Variants in RHBDL2 observed in about 807,000 individuals in gnomAD.
The protein encoded by RHBDL2 is rhomboid like 2.
RHBDL2 carries 26 observed loss-of-function variants against 31.7 expected under a neutral mutation model. That is an observed-to-expected ratio of 0.82 (90% CI 0.60 to 1.14). The LOEUF (loss-of-function observed/expected upper bound fraction) is 1.14. RHBDL2 is among the 50% of genes most tolerant of loss of function. The pLI is 0.00. For missense variants in RHBDL2, 336 were observed against 364.4 expected (o/e 0.92, Z 0.63); for synonymous variants, 123 against 127.2 (o/e 0.97, Z 0.22).
intron 1 of RHBDL2, among the ~76,000 whole-genome samples, chr1:38,937,779 A>G (rs180837379): frequency 5.2e-4 from 79 of 152,328 alleles, no homozygotes; most frequent in African/African-American, 1.7e-3. Context: ...AACTTTTATT[A>G]GGAGGAACAG....
chr1:38,924,783 T>C (rs1313071849), intron 1 of RHBDL2, among the ~76,000 whole-genome samples: 1 of 80,034 alleles, frequency 1.2e-5, no homozygotes, highest in African/African-American at 1.1e-4. Flanking sequence ...TTCTTTTTTC[T>C]TTTTTTTTTT....
chr1:38,912,914 G>A (rs960582572), intron 3 of RHBDL2, among the ~76,000 whole-genome samples: 2,681 of 33,612 alleles, frequency 0.08, 41 homozygotes, highest in Non-Finnish European at 0.12. Context: ...ATATATATGT[G>A]TGTGTGTGTG....
intron 3 of RHBDL2, among the ~76,000 whole-genome samples, chr1:38,915,195 C>T (rs1198670299): frequency 6.6e-6 from 1 of 150,620 alleles, no homozygotes; most frequent in African/African-American, 2.4e-5. Context: ...TGCAATGGCA[C>T]GATCTCGGCT....
At chr1:38,897,098 A>C (rs1195286683) in intron 4 of RHBDL2, among the ~76,000 whole-genome samples, 1 of 151,664 alleles carries the variant, frequency 6.6e-6, no homozygotes, top group East Asian at 1.9e-4. Flanking sequence ...TAAACTTTGA[A>C]GAATCTTTTT....
intron 2 of RHBDL2, among the ~76,000 whole-genome samples, chr1:38,917,093 C>G (rs1157688356): frequency 6.9e-6 from 1 of 145,336 alleles, no homozygotes. Context: ...TCTCAGCTCA[C>G]TGCAAGTTCT....
At chr1:38,910,753 C>CTTTTTTTTTTTT (rs765064879) in intron 4 of RHBDL2, among the ~76,000 whole-genome samples, 98 of 111,004 alleles carry the variant, frequency 8.8e-4, no homozygotes, top group Middle Eastern at 5.1e-3. Context: ...TATTCCTTTT[C>CTTTTTTTTTTTT]TTTTTTTTTT....
chr1:38,913,044 G>A (rs1570928874), intron 3 of RHBDL2, among the ~76,000 whole-genome samples: 2 of 148,900 alleles, frequency 1.3e-5, no homozygotes, highest in Admixed American at 1.3e-4. Flanking sequence ...GTGCGGTGGC[G>A]CGATCTCGGC....
Position 38,886,171 on chromosome 1 carries a change from C to G in RHBDL2, c.*333G>C, listed in dbSNP as rs1158015276. Reference sequence around the variant, plus strand: ...GTTTCACCATATTGGTCAGGCTGGTCTTGAACTCATGACCTCAGGTGATTT... The same window carrying G: ...GTTTCACCATATTGGTCAGGCTGGTGTTGAACTCATGACCTCAGGTGATTT... On this transcript the variant is annotated 3_prime_UTR_variant, in exon 8 of 8. Coordinates refer to ENST00000372990, the MANE Select transcript of RHBDL2 (RefSeq NM_017821.5). The G allele has an allele frequency of 1.9e-5, 3 of 159,954 alleles. No individual in the cohort carries two copies. The highest frequency in any genetic ancestry group is 4.1e-5 in the Non-Finnish European group (3 of 73,180). 9.9% of individuals were successfully genotyped at this position (159,954 alleles called of 1,614,324 possible). A position where few individuals can be genotyped will look rare whatever the true frequency, so the allele number is the denominator to read the frequency against.
In RHBDL2 at chr1:38,887,953, C is replaced by G. The variant is rs1182685460; in HGVS notation, c.732+10G>C. ...ATTTCTATTTTATAAAAGAAAGAAA[C>G]TGAACTCACCGGAGACCCATCTTCA... is the stretch of plus-strand genomic sequence containing the variant. On this transcript the variant is annotated intron_variant, in intron 7 of 7. Coordinates refer to ENST00000372990, the MANE Select transcript of RHBDL2 (RefSeq NM_017821.5). 6.3e-7 allele frequency: 1 copy of G among 1,582,420 alleles called. No individual in the cohort carries two copies. Among genetic ancestry groups the G allele is most frequent in the African/African-American group, 1.4e-5 (1 of 73,984 alleles).
At chr1:38,893,981 T>C (rs1642884188) in intron 5 of RHBDL2, among the ~76,000 whole-genome samples, 1 of 152,184 alleles carries the variant, frequency 6.6e-6, no homozygotes, top group Non-Finnish European at 1.5e-5. Context: ...ATATAATTTA[T>C]TGAATTACTT....
Position 38,886,678 on chromosome 1 carries a change from A to G in RHBDL2, c.738T>C (p.Ser246=). The change falls in exon 8 of 8, where the codon TCT becomes TCC. Residue 246 remains serine (S), a synonymous_variant. Transcript: ENST00000372990. ...FFVPEDGSPV[S]FAAHIAGGFA... ...ATCCACCTGCAATGTGAGCTGCAAA[A>G]GACACCTTGGGAGAAAAGGAGGGAA... The G allele has an allele frequency of 2.6e-6, 4 of 1,550,798 alleles. No individual in the cohort carries two copies. The highest frequency in any genetic ancestry group is 3.5e-6 in the Non-Finnish European group (4 of 1,143,382).
chr1:38,927,706 T>C (rs1643393570), intron 1 of RHBDL2, among the ~76,000 whole-genome samples: 1 of 152,228 alleles, frequency 6.6e-6, no homozygotes, highest in Admixed American at 6.5e-5. Flanking sequence ...CTGAGTATCT[T>C]ACAGAATTGT....
In RHBDL2 at chr1:38,919,170, T is replaced by C; in HGVS notation, c.43A>G (p.Asn15Asp). 1.9e-6 allele frequency: 3 copies of C among 1,614,126 alleles called. No individual in the cohort carries two copies. The South Asian group carries it at 3.3e-5, about 18-fold the overall frequency. ...TCTTCTTTCATCTCTCTCCCCATAT[T>C]CAGATTCATGCTCTCCATCTCCAGA... Reference protein sequence around the residue: ...HDLEMESMNLNMGREMKEELE... With the variant: ...HDLEMESMNLDMGREMKEELE... Residue 15 changes from asparagine (N) to aspartate (D), a missense_variant, in exon 2 of 8, where the codon AAT (asparagine) becomes GAT (aspartate). Physicochemically the swap from Asn to Asp is conservative, Grantham distance 23 (BLOSUM62 1). Coordinates refer to ENST00000372990, the MANE Select transcript of RHBDL2 (RefSeq NM_017821.5).
At chr1:38,893,721 C>A in intron 5 of RHBDL2, among the ~76,000 whole-genome samples, 1 of 148,226 alleles carries the variant, frequency 6.7e-6, no homozygotes, top group Non-Finnish European at 1.5e-5. Context: ...CTTTTGGGGG[C>A]GCTCTTGGGG....
chr1:38,911,048 G>A (rs1028619506), intron 4 of RHBDL2, among the ~76,000 whole-genome samples: 3 of 151,874 alleles, frequency 2.0e-5, no homozygotes, highest in African/African-American at 7.3e-5. Flanking sequence ...CAAAGTGCTG[G>A]GATTACAGGC....
chr1:38,940,454 G>A (rs796717822), intron 1 of RHBDL2, among the ~76,000 whole-genome samples: 14 of 152,094 alleles, frequency 9.2e-5, no homozygotes, highest in African/African-American at 1.9e-4. Context: ...GAATCCTCCC[G>A]CCTCGGCCTC....
chr1:38,933,902 T>C (rs930618853), intron 1 of RHBDL2, among the ~76,000 whole-genome samples: 3 of 152,098 alleles, frequency 2.0e-5, no homozygotes, highest in Non-Finnish European at 2.9e-5. Flanking sequence ...CTAATTTTTG[T>C]ATTTTTAGTA....
chr1:38,911,830 G>A (rs1002292785), intron 3 of RHBDL2, among the ~76,000 whole-genome samples: 33 of 151,316 alleles, frequency 2.2e-4, no homozygotes, highest in African/African-American at 7.0e-4. Context: ...TTTTTTGGAC[G>A]AAGTCTCCCT....
chr1:38,931,185 T>C (rs1643435057), intron 1 of RHBDL2, among the ~76,000 whole-genome samples: 1 of 152,180 alleles, frequency 6.6e-6, no homozygotes, highest in Non-Finnish European at 1.5e-5. Context: ...ACTTCTGCCC[T>C]AGAGATTTGG....
Sources: allele counts gnomAD v4.1 joint callset (sites outside exome capture counted in the v4.1 genomes callset), GRCh38; gene constraint gnomAD v4.1.1; transcripts MANE v1.5; gene names NCBI Gene and HGNC (gene_info 2026-07-23, HGNC 2026-07-21).